The following PIEZO2 variants were observed in gnomAD, a reference collection of about 807,000 sequenced individuals.
PIEZO2 encodes the protein piezo-type mechanosensitive ion channel component 2.
PIEZO2 carries 172 observed loss-of-function variants against 337.3 expected under a neutral mutation model. That is an observed-to-expected ratio of 0.51 (90% CI 0.45 to 0.58). PIEZO2 has a LOEUF of 0.58. PIEZO2 is among the 20% of genes least tolerant of loss of function. The pLI is 0.00. For missense variants in PIEZO2, 3,028 were observed against 3,391.3 expected (o/e 0.89, Z 2.66); for synonymous variants, 1,251 against 1,228.5 (o/e 1.02, Z -0.38).
Position 10,767,032 on chromosome 18 carries a change from T to G in PIEZO2, c.2946+3116A>C, listed in dbSNP as rs1258471998. 7.8e-6 allele frequency among the ~76,000 whole-genome samples: 1 copy of G among 128,112 alleles called. No homozygotes were observed. The highest frequency in any genetic ancestry group is 3.0e-4 in the South Asian group (1 of 3,290). 84.0% of individuals were successfully genotyped at this position (128,112 alleles called of 152,430 possible). On this transcript the variant is annotated intron_variant, in intron 21 of 55. Coordinates refer to ENST00000674853, the MANE Select transcript of PIEZO2 (RefSeq NM_001378183.1). The surrounding 1 kb of genome is among the most constrained non-coding windows in gnomAD (Gnocchi z 4.2). ...CCCCTTCCCTCCCCTCCCCTTCCCT[T>G]CCTTCTCCAATTGGCCAGGCCCCCC...
chr18:10,972,747 A>G (rs896577337), intron 3 of PIEZO2, among the ~76,000 whole-genome samples: 46 of 152,184 alleles, frequency 3.0e-4, no homozygotes, highest in Admixed American at 6.5e-5. Context: ...ATTTGGAGAC[A>G]GGATTTGGTT....
At chr18:10,984,497 C>T (rs1051020183) in intron 2 of PIEZO2, among the ~76,000 whole-genome samples, 1 of 151,878 alleles carries the variant, frequency 6.6e-6, no homozygotes, top group Non-Finnish European at 1.5e-5. Flanking sequence ...AGAATAACAT[C>T]AAAGAACTCA....
At chr18:11,019,355 C>G (rs953573885) in intron 2 of PIEZO2, among the ~76,000 whole-genome samples, 1 of 152,214 alleles carries the variant, frequency 6.6e-6, no homozygotes, top group Non-Finnish European at 1.5e-5. Context: ...AAGGCCCAGG[C>G]TGCCTACCTT....
intron 1 of PIEZO2, among the ~76,000 whole-genome samples, chr18:11,108,991 C>T (rs1307785967): frequency 6.6e-6 from 1 of 152,198 alleles, no homozygotes; most frequent in Non-Finnish European, 1.5e-5. Flanking sequence ...CAGAACTTGC[C>T]CCCTGTCAGT....
chr18:10,814,737 T>G (rs1480599135), intron 7 of PIEZO2, among the ~76,000 whole-genome samples: 2 of 152,150 alleles, frequency 1.3e-5, no homozygotes, highest in Non-Finnish European at 2.9e-5. Context: ...CCTATGGGAA[T>G]TCCCAGGCAG....
chr18:11,018,382 CGTGTGTG>C (rs2036196926), intron 2 of PIEZO2, among the ~76,000 whole-genome samples: 1 of 114,138 alleles, frequency 8.8e-6, no homozygotes. Context: ...CCCAACATGT[CGTGTGTG>C]TGTGTGTGTG....
Position 11,126,926 on chromosome 18 carries a change from G to C in PIEZO2, c.64+21599C>G, listed in dbSNP as rs1262111970. Among the ~76,000 whole-genome samples the C allele has an allele frequency of 1.3e-5, 2 of 152,252 alleles. No individual in the cohort carries two copies. The highest frequency in any genetic ancestry group is 3.9e-4 in the East Asian group (2 of 5,170). On this transcript the variant is annotated intron_variant, in intron 1 of 55. Transcript: ENST00000674853. The surrounding 1 kb of genome is among the most constrained non-coding windows in gnomAD (Gnocchi z 4.6). ...GGTGTCATTTCCATTGCTGTTGTGT[G>C]AACATTTAAGGCAATGCACTGAACT...
Position 10,786,180 on chromosome 18 carries a change from C to T in PIEZO2, c.2318+856G>A, listed in dbSNP as rs79805979. 7.5e-3 allele frequency among the ~76,000 whole-genome samples: 1,145 copies of T among 152,370 alleles called. 9 individuals carry two copies. Among genetic ancestry groups the T allele is most frequent in the Non-Finnish European group, 0.013 (896 of 68,036 alleles). On this transcript the variant is annotated intron_variant, in intron 16 of 55. Transcript: ENST00000674853. ...CACTCATTTATAGTTCCCCCTTACT[C>T]ACTGCCTCAGCCTGTTGTCTGTTTC...
rs142889926 is a variant in PIEZO2 at position 10,903,854 on chromosome 18, T to C, written c.329+7332A>G. On this transcript the variant is annotated intron_variant, in intron 4 of 55. Transcript: ENST00000674853. The surrounding 1 kb of genome is among the most constrained non-coding windows in gnomAD (Gnocchi z 4.1). ...ACTCTGCCCAGATGTTCCCTGAAGT[T>C]AAGCTTTCACAGACAACTCCCATCC... 0.013 allele frequency among the ~76,000 whole-genome samples: 2,002 copies of C among 152,242 alleles called. 30 individuals carry two copies. Among genetic ancestry groups the C allele is most frequent in the African/African-American group, 0.046 (1,897 of 41,526 alleles).
intron 2 of PIEZO2, among the ~76,000 whole-genome samples, chr18:11,060,023 C>A (rs2037882637): frequency 6.6e-6 from 1 of 152,148 alleles, no homozygotes; most frequent in African/African-American, 2.4e-5. Flanking sequence ...CACTCCTCAG[C>A]AAATGTAAAA....
At chr18:11,091,952 C>A (rs908181316) in intron 1 of PIEZO2, among the ~76,000 whole-genome samples, 1 of 152,168 alleles carries the variant, frequency 6.6e-6, no homozygotes, top group African/African-American at 2.4e-5. Flanking sequence ...AATTTCCTGC[C>A]ACACGAGTCA....
rs114173215 is a variant in PIEZO2 at position 10,689,443 on chromosome 18, G to A, written c.7497+212C>T. ...AAAATAACTACAATATGAAGTTGCC[G>A]AAAGAAGAAAACATCTGGATGCTAT... On this transcript the variant is annotated intron_variant, in intron 49 of 55. Coordinates refer to ENST00000674853, the MANE Select transcript of PIEZO2 (RefSeq NM_001378183.1). Among the ~76,000 whole-genome samples the A allele has an allele frequency of 2.2e-3, 328 of 150,938 alleles. 1 individual carries two copies. Among genetic ancestry groups the A allele is most frequent in the African/African-American group, 7.5e-3 (307 of 41,074 alleles).
intron 8 of PIEZO2, 54 bp from the exon 9 acceptor site, chr18:10,804,048 C>G: frequency 6.6e-7 from 1 of 1,523,060 alleles, no homozygotes; most frequent in Non-Finnish European, 8.8e-7. Context: ...CCCTAGACAG[C>G]CTGGGTGGCC....
chr18:10,864,056 T>C (rs1568142325), intron 5 of PIEZO2, among the ~76,000 whole-genome samples: 1 of 152,228 alleles, frequency 6.6e-6, no homozygotes, highest in Non-Finnish European at 1.5e-5. Context: ...ATTTTGAGGA[T>C]GTACAATTCC....
intron 3 of PIEZO2, among the ~76,000 whole-genome samples, chr18:10,917,249 T>TA (rs1372742179): frequency 2.0e-5 from 3 of 152,194 alleles, no homozygotes; most frequent in African/African-American, 7.2e-5. Flanking sequence ...GCTTGTTACT[T>TA]TAAATCAGAC....
rs1272192491 is a variant in PIEZO2, at chr18:10,853,691, GT to G, written c.917+1661del. On this transcript the variant is annotated intron_variant, in intron 7 of 55. Coordinates refer to ENST00000674853, the MANE Select transcript of PIEZO2 (RefSeq NM_001378183.1). The surrounding 1 kb of genome is among the most constrained non-coding windows in gnomAD (Gnocchi z 4.2). ...TCACCTAGTTTAAATAATTTGATTTGTCTTCTCTCTGTTAACTATTCCTATG... is the reference window on the plus strand; with the variant it reads ...TCACCTAGTTTAAATAATTTGATTTGCTTCTCTCTGTTAACTATTCCTATG... 6.6e-6 allele frequency among the ~76,000 whole-genome samples: 1 copy of G among 152,118 alleles called. No homozygotes were observed. Among genetic ancestry groups the G allele is most frequent in the Non-Finnish European group, 1.5e-5 (1 of 68,012 alleles).
rs987331491 is a variant in PIEZO2, at chr18:10,894,643, G to C, written c.329+16543C>G. 6.6e-6 allele frequency: 1 copy of C among 152,290 alleles called. No individual in the cohort carries two copies. The highest frequency in any genetic ancestry group is 1.5e-5 in the Non-Finnish European group (1 of 68,106). 9.4% of individuals were successfully genotyped at this position (152,290 alleles called of 1,614,324 possible). A position where few individuals can be genotyped will look rare whatever the true frequency, so the allele number is the denominator to read the frequency against. Reference sequence around the variant, plus strand: ...CCCCAAAGGAAGAAGAATCAGGAAAGAAGGGGCGCAAGACTCCGGACGTAT... The same window carrying C: ...CCCCAAAGGAAGAAGAATCAGGAAACAAGGGGCGCAAGACTCCGGACGTAT... On this transcript the variant is annotated intron_variant, in intron 4 of 55. Coordinates refer to ENST00000674853, the MANE Select transcript of PIEZO2 (RefSeq NM_001378183.1). This position sits in a 1 kb window ranked among gnomAD's most constrained non-coding sequence, Gnocchi z 4.1.
intron 1 of PIEZO2, among the ~76,000 whole-genome samples, chr18:11,093,151 G>C (rs1049569758): frequency 2.0e-4 from 30 of 152,222 alleles, no homozygotes; most frequent in African/African-American, 6.7e-4. Context: ...GCTAAAAACA[G>C]TACCTTTTCT....
chr18:10,772,354 C>T (rs1439409221), intron 20 of PIEZO2, among the ~76,000 whole-genome samples: 2 of 152,194 alleles, frequency 1.3e-5, no homozygotes, highest in African/African-American at 4.8e-5. Flanking sequence ...AGAAAAGTGG[C>T]TGAGCAATTT....
Sources: gnomAD v4.1 joint callset for allele counts (sites outside exome capture counted in the v4.1 genomes callset) on GRCh38, gnomAD v4.1.1 for gene constraint, Gnocchi (gnomAD v3.1) non-coding constraint, MANE v1.5 for transcripts, NCBI Gene and HGNC (gene_info 2026-07-23, HGNC 2026-07-21) for gene names.